VWC2L: variants seen among roughly 807,000 people sequenced by gnomAD.
The protein encoded by VWC2L is von Willebrand factor C domain containing 2 like.
A neutral mutation model predicts 21.6 loss-of-function variants in VWC2L; 10 were observed. That is an observed-to-expected ratio of 0.46 (90% confidence interval 0.29 to 0.78). The LOEUF (loss-of-function observed/expected upper bound fraction) is 0.78. Among genes scored for constraint, VWC2L ranks in the 30% least tolerant of loss-of-function variants. The pLI is 0.10. For synonymous variants in VWC2L, 96 were observed against 94.3 expected (o/e 1.02, Z -0.10); for missense variants, 209 against 277.1 (o/e 0.75, Z 1.74).
intron 1 of VWC2L, among the ~76,000 whole-genome samples, chr2:214,413,737 CCAGTTTAAAGAATA>C (rs1465257578): frequency 6.6e-6 from 1 of 152,112 alleles, no homozygotes; most frequent in Non-Finnish European, 1.5e-5. Flanking sequence ...ACTGACTAGT[CCAGTTTAAAGAATA>C]ATAGAAAATG....
At chr2:214,423,081 T>A (rs997224206) in intron 2 of VWC2L, among the ~76,000 whole-genome samples, 9 of 152,194 alleles carry the variant, frequency 5.9e-5, no homozygotes, top group African/African-American at 2.2e-4. Flanking sequence ...AGGTTTTTTT[T>A]AATTAAACAT....
chr2:214,558,682 C>T (rs1221588031), intron 3 of VWC2L, among the ~76,000 whole-genome samples: 1 of 152,136 alleles, frequency 6.6e-6, no homozygotes, highest in African/African-American at 2.4e-5. Flanking sequence ...CTACTTCTAG[C>T]AACACAGCCC....
intron 3 of VWC2L, among the ~76,000 whole-genome samples, chr2:214,524,752 T>C (rs1264292037): frequency 6.6e-6 from 1 of 152,110 alleles, no homozygotes; most frequent in African/African-American, 2.4e-5. Context: ...AATGCCCTCG[T>C]CTCTTCAAAT....
At position 214,538,235 on chromosome 2, in the gene VWC2L, TCA is replaced by T. The variant is rs547642436; in HGVS notation, c.521-37434_521-37433del. ...GGCTCTTCATGAACTGTTCATTCAC[TCA>T]CAGACCTGGAAGCTGCTATCACTCT... On this transcript the variant is annotated intron_variant, in intron 3 of 3. Transcript: ENST00000312504. 2.4e-3 allele frequency among the ~76,000 whole-genome samples: 370 copies of T among 152,166 alleles called. 1 individual carries two copies. Among genetic ancestry groups the T allele is most frequent in the Non-Finnish European group, 4.5e-3 (304 of 67,972 alleles).
intron 3 of VWC2L, among the ~76,000 whole-genome samples, chr2:214,562,947 G>A (rs1452960107): frequency 6.6e-6 from 1 of 152,112 alleles, no homozygotes; most frequent in African/African-American, 2.4e-5. Context: ...CTGTACAGAA[G>A]ATCTTTAATT....
intron 3 of VWC2L, among the ~76,000 whole-genome samples, chr2:214,446,100 T>G (rs534905375): frequency 3.9e-5 from 6 of 152,320 alleles, no homozygotes; most frequent in African/African-American, 1.2e-4. Flanking sequence ...TTGTCCACCT[T>G]AATTTAATAT....
chr2:214,534,588 T>C (rs755916070), intron 3 of VWC2L, among the ~76,000 whole-genome samples: 9 of 152,098 alleles, frequency 5.9e-5, no homozygotes, highest in Middle Eastern at 6.3e-3. Flanking sequence ...CTGTGCCCCC[T>C]GGAGTTGTGC....
At chr2:214,452,357 G>A (rs1702969089) in intron 3 of VWC2L, among the ~76,000 whole-genome samples, 1 of 152,032 alleles carries the variant, frequency 6.6e-6, no homozygotes, top group South Asian at 2.1e-4. Context: ...ATGTTGCCCA[G>A]GCTAGTCTCT....
chr2:214,487,296 C>T (rs1166927278), intron 3 of VWC2L, among the ~76,000 whole-genome samples: 1 of 152,194 alleles, frequency 6.6e-6, no homozygotes, highest in Non-Finnish European at 1.5e-5. Flanking sequence ...CATCATTAAT[C>T]AGCAAGCATG....
chr2:214,550,629 A>G (rs1452120819), intron 3 of VWC2L, among the ~76,000 whole-genome samples: 2 of 152,130 alleles, frequency 1.3e-5, no homozygotes, highest in Non-Finnish European at 2.9e-5. Flanking sequence ...CTCATTTTCT[A>G]TATCCAATGT....
chr2:214,450,819 G>A (rs562197985), intron 3 of VWC2L, among the ~76,000 whole-genome samples: 98 of 152,232 alleles, frequency 6.4e-4, no homozygotes, highest in African/African-American at 2.3e-3. Flanking sequence ...GTCTAATGAT[G>A]ATTAATATAA....
intron 3 of VWC2L, among the ~76,000 whole-genome samples, chr2:214,549,162 A>G (rs1010122113): frequency 6.6e-6 from 1 of 152,138 alleles, no homozygotes; most frequent in African/African-American, 2.4e-5. Context: ...TCCTCTTATT[A>G]GACCCTTGTA....
chr2:214,561,783 ATTATATATATATAT>A (rs1220709685), intron 3 of VWC2L, among the ~76,000 whole-genome samples: 14 of 90,974 alleles, frequency 1.5e-4, no homozygotes, highest in Non-Finnish European at 2.8e-4. Context: ...CTCAAAAAAA[ATTATATATATATAT>A]ATATATATAT....
chr2:214,456,840 C>T (rs1227632165), intron 3 of VWC2L, among the ~76,000 whole-genome samples: 1 of 152,064 alleles, frequency 6.6e-6, no homozygotes, highest in Non-Finnish European at 1.5e-5. Flanking sequence ...TTTCTCCCCC[C>T]ACTATGTGTT....
In VWC2L at chr2:214,473,300, G is replaced by A. The variant is rs918118339; in HGVS notation, c.520+36542G>A. Among the ~76,000 whole-genome samples the A allele has an allele frequency of 2.6e-5, 4 of 152,280 alleles. No individual in the cohort carries two copies. The East Asian group carries it at 7.7e-4, about 29-fold the overall frequency. The stretch of plus-strand genomic sequence containing the variant: ...TTCTATGTATTAATTCTGTATTAAA[G>A]TTAACTTGCTGTAACAGATAAACCC... On this transcript the variant is annotated intron_variant, in intron 3 of 3. Coordinates refer to ENST00000312504, the MANE Select transcript of VWC2L (RefSeq NM_001080500.4).
intron 3 of VWC2L, among the ~76,000 whole-genome samples, chr2:214,444,301 T>C (rs949028442): frequency 6.6e-6 from 1 of 152,040 alleles, no homozygotes; most frequent in Non-Finnish European, 1.5e-5. Flanking sequence ...AAATTGATTG[T>C]TTTAAAAAGA....
At chr2:214,568,083 T>C (rs981684577) in intron 3 of VWC2L, among the ~76,000 whole-genome samples, 1 of 152,202 alleles carries the variant, frequency 6.6e-6, no homozygotes, top group Non-Finnish European at 1.5e-5. Flanking sequence ...ATTTAAACTC[T>C]CTTATTGTTT....
chr2:214,427,149 ACT>A (rs373624896), intron 2 of VWC2L, among the ~76,000 whole-genome samples: 142 of 152,288 alleles, frequency 9.3e-4, no homozygotes, highest in African/African-American at 3.2e-3. Flanking sequence ...AGAAATGCAC[ACT>A]CTCTAATACT....
chr2:214,508,136 C>G (rs1688996251), intron 3 of VWC2L, among the ~76,000 whole-genome samples: 1 of 152,010 alleles, frequency 6.6e-6, no homozygotes, highest in African/African-American at 2.4e-5. Context: ...ACCACCGTGC[C>G]CGGCTAATTT....
Sources: gnomAD v4.1 joint callset for allele counts (sites outside exome capture counted in the v4.1 genomes callset) on GRCh38, gnomAD v4.1.1 for gene constraint, MANE v1.5 for transcripts, NCBI Gene and HGNC (gene_info 2026-07-23, HGNC 2026-07-21) for gene names.